SLC8A1: variants seen among roughly 807,000 people sequenced by gnomAD.
SLC8A1 encodes solute carrier family 8 member A1, also known as sodium/calcium exchanger 1.
In SLC8A1, 18 loss-of-function variants were observed where a neutral mutation model predicts 68.3. That is an observed-to-expected ratio of 0.26 (90% CI 0.18 to 0.39). The LOEUF is 0.39. SLC8A1 is among the 10% of genes least tolerant of loss of function. The pLI, the probability that SLC8A1 is intolerant of heterozygous loss-of-function variation, is 1.00. For synonymous variants in SLC8A1, 475 were observed against 415.5 expected (o/e 1.14, Z -1.74); for missense variants, 985 against 1,156.7 (o/e 0.85, Z 2.15).
At chr2:40,155,001 T>G (rs767583443) in intron 6 of SLC8A1, among the ~76,000 whole-genome samples, 1 of 152,128 alleles carries the variant, frequency 6.6e-6, no homozygotes, top group Non-Finnish European at 1.5e-5. Flanking sequence ...CAAAGGAAAA[T>G]TATGAATGTT....
At chr2:40,178,768 A>AG (rs1158156073) in intron 2 of SLC8A1, among the ~76,000 whole-genome samples, 2 of 152,200 alleles carry the variant, frequency 1.3e-5, no homozygotes, top group Non-Finnish European at 2.9e-5. Context: ...CATCATAAGG[A>AG]GGAAAAGCAG....
chr2:40,436,746 A>T (rs898914466), intron 1 of SLC8A1, among the ~76,000 whole-genome samples: 2 of 152,142 alleles, frequency 1.3e-5, no homozygotes, highest in Non-Finnish European at 2.9e-5. Flanking sequence ...TTAAATATTA[A>T]TCTGCATGCT....
At chr2:40,376,493 C>T (rs1439348604) in intron 2 of SLC8A1, among the ~76,000 whole-genome samples, 4 of 152,094 alleles carry the variant, frequency 2.6e-5, no homozygotes, top group Admixed American at 1.3e-4. Context: ...GGAGGTCTCA[C>T]TCTCTGTTGT....
rs114439772 is a variant in SLC8A1 at position 40,218,069 on chromosome 2, T to G, written c.1809-40214A>C. The stretch of plus-strand genomic sequence containing the variant: ...TAAAGAGACACAGCCTTCAGAGTAC[T>G]ATGGGAGGTTATATTTCAACTTCTT... On this transcript the variant is annotated intron_variant, in intron 2 of 7. Coordinates refer to ENST00000406785, the Ensembl canonical transcript of SLC8A1. Among the ~76,000 whole-genome samples the G allele has an allele frequency of 8.0e-3, 1,185 of 148,694 alleles. 14 individuals carry two copies. The highest frequency in any genetic ancestry group is 0.027 in the African/African-American group (1,104 of 40,268).
chr2:40,131,595 T>G (rs1417482817), intron 7 of SLC8A1, among the ~76,000 whole-genome samples: 1 of 152,196 alleles, frequency 6.6e-6, no homozygotes, highest in Non-Finnish European at 1.5e-5. Context: ...CTTGGAATAT[T>G]AACCTCTATG....
chr2:40,285,867 C>G (rs2068221131), intron 2 of SLC8A1, among the ~76,000 whole-genome samples: 1 of 152,116 alleles, frequency 6.6e-6, no homozygotes, highest in South Asian at 2.1e-4. Flanking sequence ...CTTGCCATTT[C>G]TTTCTTTCAT....
At chr2:40,409,630 G>A (rs1691477523) in intron 2 of SLC8A1, among the ~76,000 whole-genome samples, 1 of 152,020 alleles carries the variant, frequency 6.6e-6, no homozygotes, top group Non-Finnish European at 1.5e-5. Context: ...AAGTGTTGGA[G>A]GTGGTGGCAT....
chr2:40,341,237 C>T (rs911657892), intron 2 of SLC8A1, among the ~76,000 whole-genome samples: 2 of 152,078 alleles, frequency 1.3e-5, no homozygotes, highest in African/African-American at 2.4e-5. Context: ...GTCAATTCAT[C>T]TTCAGAAAAA....
At chr2:40,326,599 A>G (rs1177190130) in intron 2 of SLC8A1, among the ~76,000 whole-genome samples, 1 of 152,086 alleles carries the variant, frequency 6.6e-6, no homozygotes, top group African/African-American at 2.4e-5. Flanking sequence ...TTCTCTTTCT[A>G]ACTTTCGAAC....
intron 2 of SLC8A1, among the ~76,000 whole-genome samples, chr2:40,408,257 A>G (rs984750322): frequency 2.6e-5 from 4 of 152,208 alleles, no homozygotes; most frequent in Admixed American, 2.0e-4. Flanking sequence ...ATCTAAACTT[A>G]TACCTTCAAA....
intron 6 of SLC8A1, among the ~76,000 whole-genome samples, chr2:40,156,708 G>A (rs435981): frequency 0.13 from 19,862 of 151,818 alleles, 1,418 homozygotes; most frequent in Admixed American, 0.19. Flanking sequence ...TTCAAGCTGC[G>A]GCTCCAATAT....
Position 40,331,105 on chromosome 2 carries a change from A to G in SLC8A1, c.1808+97368T>C, listed in dbSNP as rs543477229. Among the ~76,000 whole-genome samples, 85 of 152,326 alleles carry G rather than the reference A, an allele frequency of 5.6e-4. 1 individual carries two copies. In the South Asian group the frequency reaches 8.9e-3, roughly 16 times the overall value. ...TTCAAATCTTGGCTCTAAGCCTCTG[A>G]TTCCTACCTAGGAAAATGAGGGTGA... On this transcript the variant is annotated intron_variant, in intron 2 of 7. Coordinates refer to ENST00000406785, the Ensembl canonical transcript of SLC8A1.
intron 2 of SLC8A1, among the ~76,000 whole-genome samples, chr2:40,289,847 C>T (rs552242663): frequency 2.7e-5 from 4 of 149,822 alleles, no homozygotes; most frequent in Admixed American, 1.3e-4. Context: ...GGCGACAGAG[C>T]GAGACTCAGT....
intron 2 of SLC8A1, among the ~76,000 whole-genome samples, chr2:40,350,718 G>A (rs1670817984): frequency 6.7e-6 from 1 of 149,034 alleles, no homozygotes; most frequent in African/African-American, 2.5e-5. Context: ...GCTAAAAGAT[G>A]TTATAAATTA....
chr2:40,429,726 G>A (rs1368733499), exon 2 of SLC8A1: 1 of 1,613,816 alleles, frequency 6.2e-7, no homozygotes, highest in African/African-American at 1.3e-5. Context: ...CATAAACACA[G>A]AGTGCAATAA....
intron 5 of SLC8A1, among the ~76,000 whole-genome samples, chr2:40,162,536 A>C (rs1476741523): frequency 6.6e-6 from 1 of 152,182 alleles, no homozygotes; most frequent in African/African-American, 2.4e-5. Flanking sequence ...AGATAAACTA[A>C]ACTTCTGTGT....
chr2:40,294,684 A>T (rs954010438), intron 2 of SLC8A1, among the ~76,000 whole-genome samples: 5 of 152,190 alleles, frequency 3.3e-5, no homozygotes, highest in African/African-American at 4.8e-5. Flanking sequence ...TTTAAAAAAC[A>T]TCTCAATCAT....
At chr2:40,367,030 G>T (rs1052784265) in intron 2 of SLC8A1, among the ~76,000 whole-genome samples, 1 of 151,800 alleles carries the variant, frequency 6.6e-6, no homozygotes, top group Non-Finnish European at 1.5e-5. Context: ...TTGAGGGTGT[G>T]GTTGTCAAAA....
intron 2 of SLC8A1, among the ~76,000 whole-genome samples, chr2:40,377,000 T>C (rs1365275375): frequency 6.6e-6 from 1 of 152,064 alleles, no homozygotes; most frequent in Non-Finnish European, 1.5e-5. Context: ...ACAACTTGCT[T>C]CTTATGAATA....
Sources: allele counts gnomAD v4.1 joint callset (sites outside exome capture counted in the v4.1 genomes callset), GRCh38; gene constraint gnomAD v4.1.1; transcripts MANE v1.5; gene names NCBI Gene and HGNC (gene_info 2026-07-23, HGNC 2026-07-21).